The following UGT1A10 variants were observed in gnomAD, a reference collection of about 807,000 sequenced individuals.
UGT1A10 encodes UDP-glucuronosyltransferase 1A10.
Under a neutral mutation model 45.8 loss-of-function variants are expected in UGT1A10, and 49 were observed. That is an observed-to-expected ratio of 1.07 (90% CI 0.85 to 1.36). The LOEUF is 1.36. Ranked by LOEUF, UGT1A10 falls within the 40% of genes most tolerant of loss-of-function variation. The probability of loss-of-function intolerance (pLI) is 0.00; values close to 1 mark genes in which losing one functional copy is unlikely to be tolerated. For missense variants in UGT1A10, 745 were observed against 668.6 expected, an observed-to-expected ratio of 1.11 and a Z score of -1.26; for synonymous variants, 284 against 249.7, an observed-to-expected ratio of 1.14 and a Z score of -1.29.
intron 1 of UGT1A10, chr2:233,730,097 T>C: frequency 6.3e-7 from 1 of 1,588,304 alleles, no homozygotes; most frequent in Non-Finnish European, 8.6e-7. Flanking sequence ...TTTCCAAATA[T>C]TTCATTTCTG....
chr2:233,750,351 C>G (rs148166585), intron 1 of UGT1A10, among the ~76,000 whole-genome samples: 13 of 151,972 alleles, frequency 8.6e-5, no homozygotes, highest in African/African-American at 2.4e-4. Context: ...GAAATTGGAA[C>G]TTATGTTTAA....
intron 1 of UGT1A10, chr2:233,760,638 A>C (rs752920136): frequency 6.2e-7 from 1 of 1,614,204 alleles, no homozygotes; most frequent in South Asian, 1.1e-5. Flanking sequence ...AGAAAATAAA[A>C]AAGGACTCTG....
intron 1 of UGT1A10, chr2:233,648,544 T>C (rs2073660892): frequency 5.8e-6 from 1 of 171,404 alleles, no homozygotes; most frequent in Non-Finnish European, 1.2e-5. Flanking sequence ...CACTGCAAAC[T>C]GCACCTCCCG....
chr2:233,760,664 G>T, intron 1 of UGT1A10: 3 of 1,614,182 alleles, frequency 1.9e-6, no homozygotes, highest in Non-Finnish European at 2.5e-6. Flanking sequence ...CTTTTGTCTG[G>T]CTGTTCCCAC....
chr2:233,636,880 T>A lies in UGT1A10; in HGVS notation c.358T>A (p.Phe120Ile). Residue 120 changes from phenylalanine (F) to isoleucine (I), a missense_variant, in exon 1 of 5, where the codon TTT (phenylalanine) becomes ATT (isoleucine). Transcript: ENST00000344644. Reference sequence around the variant, plus strand: ...TTCATCCAGTGGTTTTCTTGACTTATTTTTTTCGCATTGCAGGAGTTTGTT... The same window carrying A: ...TTCATCCAGTGGTTTTCTTGACTTAATTTTTTCGCATTGCAGGAGTTTGTT... Reference protein sequence around the residue: ...MSSSSGFLDLFFSHCRSLFND... With the variant: ...MSSSSGFLDLIFSHCRSLFND... 1 of 1,614,090 alleles carries A rather than the reference T, an allele frequency of 6.2e-7. No homozygotes were observed. The highest frequency in any genetic ancestry group is 1.7e-5 in the Admixed American group (1 of 59,984).
At chr2:233,765,895 T>C (rs988320482) in intron 1 of UGT1A10, among the ~76,000 whole-genome samples, 1 of 152,066 alleles carries the variant, frequency 6.6e-6, no homozygotes, top group Non-Finnish European at 1.5e-5. Flanking sequence ...AGTGCGCCAC[T>C]GCTCAAACCT....
chr2:233,731,334 T>C (rs1331182525), intron 1 of UGT1A10, among the ~76,000 whole-genome samples: 1 of 151,782 alleles, frequency 6.6e-6, no homozygotes, highest in African/African-American at 2.4e-5. Context: ...TGTGCACAAA[T>C]TGCAGGTTTG....
intron 1 of UGT1A10, among the ~76,000 whole-genome samples, chr2:233,733,430 A>G (rs1256868743): frequency 6.6e-6 from 1 of 152,170 alleles, no homozygotes; most frequent in Non-Finnish European, 1.5e-5. Context: ...ACTCAGTATG[A>G]TATTGGCTGC....
At chr2:233,725,607 T>C (rs2077462497) in intron 1 of UGT1A10, among the ~76,000 whole-genome samples, 1 of 152,174 alleles carries the variant, frequency 6.6e-6, no homozygotes, top group African/African-American at 2.4e-5. Context: ...TAGTTTTTTC[T>C]TGCTAAGTCT....
intron 1 of UGT1A10, among the ~76,000 whole-genome samples, chr2:233,748,701 G>A (rs1009365045): frequency 6.6e-6 from 1 of 151,652 alleles, no homozygotes; most frequent in Non-Finnish European, 1.5e-5. Context: ...TTCTGGTCAG[G>A]ATTTGGGGTC....
At chr2:233,729,071 A>G in intron 1 of UGT1A10, 1 of 1,611,650 alleles carries the variant, frequency 6.2e-7, no homozygotes, top group Non-Finnish European at 8.5e-7. Flanking sequence ...TGAAGAAAGC[A>G]AATGTAGCAG....
chr2:233,715,167 C>G (rs767247099), intron 1 of UGT1A10, among the ~76,000 whole-genome samples: 1 of 152,042 alleles, frequency 6.6e-6, no homozygotes, highest in Non-Finnish European at 1.5e-5. Flanking sequence ...ATTACAGGCG[C>G]GAGCCACCAC....
At chr2:233,661,623 T>TTTTCTTTCTTTCTTTTCTTTCTTTCTTTC (rs1265546183) in intron 1 of UGT1A10, among the ~76,000 whole-genome samples, 1,568 of 124,014 alleles carry the variant, frequency 0.013, 74 homozygotes, top group South Asian at 0.016. Flanking sequence ...ACTTACTGAA[T>TTTTCTTTCTTTCTTTTCTTTCTTTCTTTC]TTTCTTTCTT....
At chr2:233,735,346 T>A (rs559111340) in intron 1 of UGT1A10, among the ~76,000 whole-genome samples, 5 of 152,212 alleles carry the variant, frequency 3.3e-5, no homozygotes, top group African/African-American at 1.2e-4. Context: ...GCTTTTTTTT[T>A]GCTTTCCATT....
chr2:233,652,116 C>G (rs1317331286), intron 1 of UGT1A10, among the ~76,000 whole-genome samples: 1 of 152,100 alleles, frequency 6.6e-6, no homozygotes, highest in African/African-American at 2.4e-5. Flanking sequence ...GAGTGTAGCT[C>G]TGGAGAACTG....
chr2:233,678,646 T>G (rs1309873560), intron 1 of UGT1A10, among the ~76,000 whole-genome samples: 1 of 152,218 alleles, frequency 6.6e-6, no homozygotes, highest in Non-Finnish European at 1.5e-5. Context: ...TCTTAAATAA[T>G]TGGAAGCATT....
At chr2:233,672,592 T>C (rs769480316) in intron 1 of UGT1A10, 1 of 1,613,960 alleles carries the variant, frequency 6.2e-7, no homozygotes, top group Non-Finnish European at 8.5e-7. Flanking sequence ...ACATTTATTA[T>C]GCCACCGTTT....
At chr2:233,663,340 T>G (rs915191427) in intron 1 of UGT1A10, among the ~76,000 whole-genome samples, 4 of 152,188 alleles carry the variant, frequency 2.6e-5, no homozygotes, top group African/African-American at 9.6e-5. Flanking sequence ...TAAGGAATAC[T>G]TGGTGGGTTG....
chr2:233,720,513 G>C (rs2076864645), intron 1 of UGT1A10, among the ~76,000 whole-genome samples: 1 of 152,034 alleles, frequency 6.6e-6, no homozygotes, highest in Non-Finnish European at 1.5e-5. Context: ...AGGTGAAGCT[G>C]ATCATATCAC....
Sources: allele counts gnomAD v4.1 joint callset (sites outside exome capture counted in the v4.1 genomes callset), GRCh38; gene constraint gnomAD v4.1.1; transcripts MANE v1.5; gene names NCBI Gene and HGNC (gene_info 2026-07-23, HGNC 2026-07-21).